Variants in FAM107B observed in about 807,000 individuals in gnomAD.
FAM107B encodes protein FAM107B.
In FAM107B, 21 loss-of-function variants were observed where a neutral mutation model predicts 31.5. That is an observed-to-expected ratio of 0.67 (90% CI 0.47 to 0.96). The LOEUF is 0.96. Among genes scored for constraint, FAM107B ranks in the 40% least tolerant of loss-of-function variants. FAM107B has a pLI of 0.00. For synonymous variants in FAM107B, 157 were observed against 141.5 expected (o/e 1.11, Z -0.78); for missense variants, 452 against 377.1 (o/e 1.20, Z -1.64).
At chr10:14,751,170 G>A (rs539793281) in intron 1 of FAM107B, among the ~76,000 whole-genome samples, 5 of 152,240 alleles carry the variant, frequency 3.3e-5, no homozygotes, top group Admixed American at 1.3e-4. Flanking sequence ...TAGGGTCCCA[G>A]GGGAGCGGCG....
At chr10:14,763,198 G>A (rs916958344) in intron 1 of FAM107B, among the ~76,000 whole-genome samples, 2 of 152,158 alleles carry the variant, frequency 1.3e-5, no homozygotes, top group African/African-American at 4.8e-5. Context: ...GGAGGCAGAG[G>A]TTGCAGTGAG....
intron 1 of FAM107B, among the ~76,000 whole-genome samples, chr10:14,709,102 C>T (rs1487329063): frequency 6.6e-6 from 1 of 152,172 alleles, no homozygotes; most frequent in Non-Finnish European, 1.5e-5. Flanking sequence ...TGGTGAAATA[C>T]AAAATGGTGC....
intron 2 of FAM107B, among the ~76,000 whole-genome samples, chr10:14,539,139 C>T (rs569584550): frequency 6.6e-6 from 1 of 152,342 alleles, no homozygotes; most frequent in Admixed American, 6.5e-5. Flanking sequence ...CCGTATACCG[C>T]AAGTACACTA....
chr10:14,620,570 T>C (rs1256148778), intron 2 of FAM107B, among the ~76,000 whole-genome samples: 3 of 152,200 alleles, frequency 2.0e-5, no homozygotes, highest in Non-Finnish European at 4.4e-5. Context: ...CTGGGATACA[T>C]GTGCAGAACA....
At chr10:14,569,337 C>T (rs765727559) in intron 2 of FAM107B, among the ~76,000 whole-genome samples, 2 of 151,998 alleles carry the variant, frequency 1.3e-5, no homozygotes, top group Non-Finnish European at 2.9e-5. Context: ...TTATCCTATC[C>T]CCATGAAAGG....
At chr10:14,693,237 A>G (rs1380574647) in intron 1 of FAM107B, among the ~76,000 whole-genome samples, 1 of 152,198 alleles carries the variant, frequency 6.6e-6, no homozygotes, top group African/African-American at 2.4e-5. Flanking sequence ...GCACTTTGGG[A>G]GGCCAAGGTG....
rs1438035470 is a variant in FAM107B, at chr10:14,774,523, A to T, written c.141T>A (p.Asp47Glu). 2 of 1,614,178 alleles carry T rather than the reference A, an allele frequency of 1.2e-6. No homozygotes were observed. The highest frequency in any genetic ancestry group is 1.7e-6 in the Non-Finnish European group (2 of 1,180,032). ...GCTGCACACGGACGGTGGAATGAGT[A>T]TCAGCCACGCCGGACTGATTGAAGG... ...SASFNQSGVA[D>E]THSTVRVQPV... Residue 47 changes from aspartate to glutamate, a missense_variant, in exon 1 of 5, where the codon GAT becomes GAA. By Grantham distance (45) the Asp-to-Glu change is conservative. Transcript: ENST00000181796.
rs143641620 is a variant in FAM107B, at chr10:14,639,565, C to G, written c.469+28069G>C. On this transcript the variant is annotated intron_variant, in intron 2 of 4. Coordinates refer to ENST00000181796, the MANE Select transcript of FAM107B (RefSeq NM_031453.4). The stretch of plus-strand genomic sequence containing the variant: ...GATTTCTCATTCCTCTCAAGACTAC[C>G]CCCAAGATCCACCAGACCCTGGATT... Among the ~76,000 whole-genome samples the G allele has an allele frequency of 9.6e-3, 1,464 of 152,270 alleles. 35 individuals are homozygous for G. Among genetic ancestry groups the G allele is most frequent in the African/African-American group, 0.033 (1,372 of 41,530 alleles).
intron 2 of FAM107B, among the ~76,000 whole-genome samples, chr10:14,652,133 A>G (rs74122872): frequency 0.034 from 4,524 of 131,616 alleles, 225 homozygotes; most frequent in African/African-American, 0.12. Context: ...GATCTAAAAC[A>G]TAGATATTCA....
Position 14,530,342 on chromosome 10 carries a change from TCATAAGAAG to T in FAM107B, c.634_642del (p.Leu212_Met214del). On this transcript the variant is annotated inframe_deletion, in exon 3 of 5. Transcript: ENST00000181796. ...AAGAAACCATTTTACCTTTTTTGAT[TCATAAGAAG>T]TTCTCTGTGAAGATCTTGATGGTTC... The T allele has an allele frequency of 6.2e-7, 1 of 1,604,538 alleles. No homozygotes were observed. Among genetic ancestry groups the T allele is most frequent in the Non-Finnish European group, 8.5e-7 (1 of 1,177,586 alleles).
intron 2 of FAM107B, among the ~76,000 whole-genome samples, chr10:14,613,980 A>C (rs977858140): frequency 6.6e-6 from 1 of 151,956 alleles, no homozygotes; most frequent in Non-Finnish European, 1.5e-5. Context: ...AAAATACAAA[A>C]ATTAGTCAGG....
At chr10:14,559,135 G>A (rs1850003445) in intron 2 of FAM107B, among the ~76,000 whole-genome samples, 1 of 149,546 alleles carries the variant, frequency 6.7e-6, no homozygotes, top group South Asian at 2.1e-4. Context: ...AAAACACCTG[G>A]TGTCTAGCTC....
At chr10:14,752,409 C>T (rs1454090689) in intron 1 of FAM107B, among the ~76,000 whole-genome samples, 1 of 152,220 alleles carries the variant, frequency 6.6e-6, no homozygotes, top group African/African-American at 2.4e-5. Flanking sequence ...CCCATTCTAC[C>T]AGCAAAACAT....
chr10:14,556,914 C>T (rs1849755681), intron 2 of FAM107B, among the ~76,000 whole-genome samples: 1 of 152,238 alleles, frequency 6.6e-6, no homozygotes, highest in Non-Finnish European at 1.5e-5. Context: ...CCAGTCTCTC[C>T]GCCACCTTGC....
At chr10:14,584,361 G>T (rs1851754799) in intron 2 of FAM107B, among the ~76,000 whole-genome samples, 1 of 152,200 alleles carries the variant, frequency 6.6e-6, no homozygotes. Flanking sequence ...AAACCCCAAG[G>T]TGGAAAAGGA....
intron 1 of FAM107B, among the ~76,000 whole-genome samples, chr10:14,704,124 C>T (rs1239474398): frequency 6.6e-6 from 1 of 152,188 alleles, no homozygotes; most frequent in Non-Finnish European, 1.5e-5. Context: ...TCTGACAGTA[C>T]ATCCAGGTGG....
At chr10:14,649,795 A>G (rs966223361) in intron 2 of FAM107B, among the ~76,000 whole-genome samples, 2 of 152,190 alleles carry the variant, frequency 1.3e-5, no homozygotes, top group African/African-American at 2.4e-5. Flanking sequence ...GTCACAGGCC[A>G]TGGTCACTCA....
At chr10:14,727,090 C>A (rs950842624) in intron 1 of FAM107B, among the ~76,000 whole-genome samples, 1 of 152,158 alleles carries the variant, frequency 6.6e-6, no homozygotes, top group Middle Eastern at 3.4e-3. Context: ...ATAGGGTTCA[C>A]GCTTCTGTGA....
chr10:14,548,425 CG>C (rs1328726781), intron 2 of FAM107B: 9 of 985,484 alleles, frequency 9.1e-6, no homozygotes, highest in Non-Finnish European at 1.1e-5. Flanking sequence ...GTGCGTGGGG[CG>C]TAGGTAACAG....
Sources: gnomAD v4.1 joint callset for allele counts (sites outside exome capture counted in the v4.1 genomes callset) on GRCh38, gnomAD v4.1.1 for gene constraint, MANE v1.5 for transcripts, NCBI Gene and HGNC (gene_info 2026-07-23, HGNC 2026-07-21) for gene names.